Variants in MED12L observed in about 807,000 individuals in gnomAD.
MED12L encodes mediator complex subunit 12L, also known as mediator of RNA polymerase II transcription subunit 12-like protein.
In MED12L, 60 loss-of-function variants were observed where a neutral mutation model predicts 281.3. The ratio of observed to expected loss-of-function variants is 0.21; its 90% CI spans 0.17 to 0.26. The LOEUF is 0.26. MED12L is among the 10% of genes least tolerant of loss of function. MED12L has a pLI of 1.00. For missense variants in MED12L, 2,146 were observed against 2,680.9 expected, an observed-to-expected ratio of 0.80 and a Z score of 4.41; for synonymous variants, 974 against 987.2, an observed-to-expected ratio of 0.99 and a Z score of 0.25.
chr3:151,349,670 C>A (rs1157309463), intron 16 of MED12L, among the ~76,000 whole-genome samples: 3 of 152,028 alleles, frequency 2.0e-5, no homozygotes, highest in African/African-American at 7.2e-5. Context: ...ATATATAAAA[C>A]CAGGCTTATG....
At chr3:151,224,799 T>C (rs978561713) in intron 16 of MED12L, among the ~76,000 whole-genome samples, 1 of 152,204 alleles carries the variant, frequency 6.6e-6, no homozygotes, top group African/African-American at 2.4e-5. Context: ...CCTGACCCTC[T>C]TTGCAGCATT....
At position 151,145,425 on chromosome 3, in the gene MED12L, C is replaced by T. The variant is rs185275858; in HGVS notation, c.557-10736C>T. ...AATGTTCGCTACATTTGCATCTTTC[C>T]CCTGACCCTTCTGAGTATCAGACTT... On this transcript the variant is annotated intron_variant, in intron 5 of 44. Transcript: ENST00000687756. Among the ~76,000 whole-genome samples, 7 of 152,298 alleles carry T rather than the reference C, an allele frequency of 4.6e-5. No homozygotes were observed. In the East Asian group the frequency reaches 1.4e-3, roughly 29 times the overall value.
rs897158547 is a variant in MED12L at position 151,295,837 on chromosome 3, A to G, written c.2251-54222A>G. On this transcript the variant is annotated intron_variant, in intron 16 of 44. Transcript: ENST00000687756. ...ATAAAAAGAAAATCTACTGTCTTCT[A>G]AAGTGAACAGACAAAAAAAGTCCTG... 2.4e-4 allele frequency among the ~76,000 whole-genome samples: 37 copies of G among 152,256 alleles called. 2 individuals are homozygous for G. The highest frequency in any genetic ancestry group is 5.9e-5 in the Non-Finnish European group (4 of 68,052).
chr3:151,360,641 T>A, intron 21 of MED12L, 36 bp downstream of exon 21: 4 of 1,582,618 alleles, frequency 2.5e-6, no homozygotes, highest in Non-Finnish European at 3.4e-6. Context: ...AGAAATAGGA[T>A]CATGCCTATG....
chr3:151,246,308 G>T (rs1421113165), intron 16 of MED12L, among the ~76,000 whole-genome samples: 1 of 152,024 alleles, frequency 6.6e-6, no homozygotes, highest in African/African-American at 2.4e-5. Context: ...AGCCCGTATC[G>T]CCAAGTCAAT....
chr3:151,316,749 A>T (rs925258129), intron 16 of MED12L: 1 of 152,214 alleles, frequency 6.6e-6, no homozygotes, highest in Non-Finnish European at 1.5e-5. Flanking sequence ...CAGACAAGGT[A>T]GGTATCTCCC....
chr3:151,146,950 G>A (rs1717835716), intron 5 of MED12L, among the ~76,000 whole-genome samples: 1 of 152,074 alleles, frequency 6.6e-6, no homozygotes, highest in Admixed American at 6.5e-5. Context: ...TTTTCATTTG[G>A]GCTATTTATC....
chr3:151,338,156 G>A (rs1331087387), intron 16 of MED12L: 3 of 1,613,912 alleles, frequency 1.9e-6, no homozygotes, highest in Non-Finnish European at 2.5e-6. Context: ...CCTTTTTCCT[G>A]GGGACTTTAC....
At chr3:151,119,204 C>CTTGAAA (rs1411603170) in intron 3 of MED12L, among the ~76,000 whole-genome samples, 2 of 152,156 alleles carry the variant, frequency 1.3e-5, no homozygotes, top group African/African-American at 4.8e-5. Flanking sequence ...TGTAGTCATA[C>CTTGAAA]TTGAAAGTAT....
intron 16 of MED12L, among the ~76,000 whole-genome samples, chr3:151,239,010 A>G (rs750690064): frequency 2.0e-5 from 3 of 152,230 alleles, no homozygotes; most frequent in Admixed American, 6.5e-5. Flanking sequence ...ATAAAATTCA[A>G]GCTTTCAAAC....
chr3:151,322,910 C>T (rs1365957608), intron 16 of MED12L, among the ~76,000 whole-genome samples: 24 of 151,880 alleles, frequency 1.6e-4, no homozygotes, highest in Non-Finnish European at 3.5e-4. Flanking sequence ...AATCTTAGTC[C>T]TATTTTTGGA....
At chr3:151,097,198 A>G (rs183922972) in intron 2 of MED12L, among the ~76,000 whole-genome samples, 126 of 152,268 alleles carry the variant, frequency 8.3e-4, no homozygotes, top group Non-Finnish European at 1.4e-3. Flanking sequence ...CTTGAGAGAG[A>G]CGCACACAAG....
At chr3:151,187,944 A>G (rs1002406909) in intron 12 of MED12L, among the ~76,000 whole-genome samples, 1 of 152,238 alleles carries the variant, frequency 6.6e-6, no homozygotes, top group Non-Finnish European at 1.5e-5. Flanking sequence ...GGGATAATGA[A>G]TAGTTTGTTG....
intron 16 of MED12L, chr3:151,338,237 TAAG>T: frequency 3.1e-6 from 5 of 1,614,106 alleles, no homozygotes; most frequent in Non-Finnish European, 4.2e-6. Flanking sequence ...CAATAACAAT[TAAG>T]AAATTAATCC....
At chr3:151,168,198 G>A (rs897695767) in intron 11 of MED12L, among the ~76,000 whole-genome samples, 3 of 152,134 alleles carry the variant, frequency 2.0e-5, no homozygotes, top group South Asian at 2.1e-4. Context: ...AGATATCTCC[G>A]GAGTGGGTGC....
At chr3:151,377,681 A>T (rs1260897331) in intron 30 of MED12L, among the ~76,000 whole-genome samples, 1 of 152,216 alleles carries the variant, frequency 6.6e-6, no homozygotes, top group Non-Finnish European at 1.5e-5. Context: ...ATAATATTTC[A>T]TATTGTAACT....
At chr3:151,218,518 C>CT (rs1353969120) in intron 16 of MED12L, among the ~76,000 whole-genome samples, 1 of 152,028 alleles carries the variant, frequency 6.6e-6, no homozygotes, top group African/African-American at 2.4e-5. Context: ...ACAATGCTTC[C>CT]TAAATTCTAG....
chr3:151,106,093 G>C (rs1299008213), intron 2 of MED12L, among the ~76,000 whole-genome samples: 2 of 151,920 alleles, frequency 1.3e-5, no homozygotes, highest in Non-Finnish European at 2.9e-5. Flanking sequence ...ACTCTCATGA[G>C]AGCCTGGTAA....
intron 16 of MED12L, among the ~76,000 whole-genome samples, chr3:151,301,028 A>G (rs1393408232): frequency 1.3e-5 from 2 of 152,192 alleles, no homozygotes; most frequent in Non-Finnish European, 2.9e-5. Flanking sequence ...GAGTTTAGAC[A>G]GTCTATCCAT....
Sources: allele counts gnomAD v4.1 joint callset (sites outside exome capture counted in the v4.1 genomes callset), GRCh38; gene constraint gnomAD v4.1.1; transcripts MANE v1.5; gene names NCBI Gene and HGNC (gene_info 2026-07-23, HGNC 2026-07-21).